Variants in ROBO2 observed in about 807,000 individuals in gnomAD.
ROBO2 encodes the protein roundabout guidance receptor 2, also known as roundabout homolog 2.
Under a neutral mutation model 160.8 loss-of-function variants are expected in ROBO2, and 53 were observed. The observed-to-expected ratio is 0.33, with a 90% confidence interval of 0.26 to 0.41. ROBO2 has a LOEUF of 0.41. Among genes scored for constraint, ROBO2 ranks in the 10% least tolerant of loss-of-function variants. The pLI, the probability that ROBO2 is intolerant of heterozygous loss-of-function variation, is 1.00. For missense variants in ROBO2, 1,577 were observed against 1,722.4 expected, an observed-to-expected ratio of 0.92 and a Z score of 1.49; for synonymous variants, 664 against 611.7, an observed-to-expected ratio of 1.09 and a Z score of -1.26.
At chr3:77,173,189 G>T (rs957359429) in intron 2 of ROBO2, among the ~76,000 whole-genome samples, 11 of 152,096 alleles carry the variant, frequency 7.2e-5, no homozygotes, top group Non-Finnish European at 1.6e-4. Context: ...AAAGGTGTGG[G>T]TAGATTTTAA....
At chr3:77,166,898 T>G (rs1293635206) in intron 2 of ROBO2, among the ~76,000 whole-genome samples, 3 of 152,182 alleles carry the variant, frequency 2.0e-5, no homozygotes, top group African/African-American at 7.2e-5. Flanking sequence ...AATTGTTTCA[T>G]AGATAGATGC....
intron 2 of ROBO2, among the ~76,000 whole-genome samples, chr3:76,666,601 T>A (rs2092056691): frequency 6.6e-6 from 1 of 152,134 alleles, no homozygotes. Flanking sequence ...CCTACATTTC[T>A]CAGGACTCAG....
At chr3:75,986,865 A>G (rs1285361384) in intron 2 of ROBO2, among the ~76,000 whole-genome samples, 3 of 151,714 alleles carry the variant, frequency 2.0e-5, no homozygotes, top group African/African-American at 7.2e-5. Context: ...CCCATGGTCA[A>G]AAATCATTTC....
chr3:76,391,279 A>G (rs2077137278), intron 2 of ROBO2, among the ~76,000 whole-genome samples: 1 of 152,150 alleles, frequency 6.6e-6, no homozygotes, highest in Non-Finnish European at 1.5e-5. Flanking sequence ...ACAGCTGCTT[A>G]TCGTATTTTG....
chr3:77,635,746 A>G (rs2095253024), intron 24 of ROBO2, among the ~76,000 whole-genome samples: 2 of 152,236 alleles, frequency 1.3e-5, no homozygotes, highest in Non-Finnish European at 2.9e-5. Flanking sequence ...GTAGTCAGCT[A>G]TACCATCTAT....
chr3:76,474,945 C>T (rs541640909), intron 2 of ROBO2, among the ~76,000 whole-genome samples: 13 of 152,076 alleles, frequency 8.5e-5, no homozygotes, highest in South Asian at 2.1e-4. Context: ...ACGTCAGAAA[C>T]GCAAGATAAC....
chr3:77,107,759 G>A (rs1048135520), intron 2 of ROBO2, among the ~76,000 whole-genome samples: 1 of 152,088 alleles, frequency 6.6e-6, no homozygotes, highest in African/African-American at 2.4e-5. Flanking sequence ...TCCTAGTAAT[G>A]CAACTATAAA....
intron 2 of ROBO2, among the ~76,000 whole-genome samples, chr3:77,396,209 A>T (rs2075271283): frequency 6.6e-6 from 1 of 152,086 alleles, no homozygotes; most frequent in African/African-American, 2.4e-5. Flanking sequence ...ATTAAGATAA[A>T]TTATGGTAAT....
At chr3:76,905,085 G>A (rs576911306) in intron 2 of ROBO2, among the ~76,000 whole-genome samples, 40 of 152,224 alleles carry the variant, frequency 2.6e-4, no homozygotes, top group Admixed American at 1.0e-3. Context: ...TTGTTTCAGA[G>A]TTTCGCTTAA....
chr3:77,229,585 C>G (rs1375146096), intron 2 of ROBO2, among the ~76,000 whole-genome samples: 1 of 151,486 alleles, frequency 6.6e-6, no homozygotes, highest in Non-Finnish European at 1.5e-5. Flanking sequence ...CGCTTGAACC[C>G]AGGAGGTAGA....
At chr3:76,066,981 G>A (rs1342586334) in intron 2 of ROBO2, among the ~76,000 whole-genome samples, 1 of 152,110 alleles carries the variant, frequency 6.6e-6, no homozygotes, top group Non-Finnish European at 1.5e-5. Context: ...GTGAATTCTT[G>A]ATTAGCTCTT....
At chr3:76,202,636 G>T (rs2107262643) in intron 2 of ROBO2, among the ~76,000 whole-genome samples, 1 of 152,250 alleles carries the variant, frequency 6.6e-6, no homozygotes, top group Non-Finnish European at 1.5e-5. Context: ...TGAAGCAGTT[G>T]TACAACCAAA....
At chr3:76,736,207 G>A (rs935318495) in intron 2 of ROBO2, among the ~76,000 whole-genome samples, 6 of 151,388 alleles carry the variant, frequency 4.0e-5, no homozygotes, top group Non-Finnish European at 7.4e-5. Context: ...GGGGGAACCC[G>A]GGAGGCGGAG....
At chr3:76,040,057 C>A (rs536493716) in intron 2 of ROBO2, among the ~76,000 whole-genome samples, 1 of 151,960 alleles carries the variant, frequency 6.6e-6, no homozygotes, top group Admixed American at 6.5e-5. Context: ...GAGAAAACTT[C>A]TGAAGCTCAT....
At chr3:76,772,342 C>A (rs13081889) in intron 2 of ROBO2, among the ~76,000 whole-genome samples, 47,595 of 149,474 alleles carry the variant, frequency 0.32, 9,235 homozygotes, top group Non-Finnish European at 0.43. Flanking sequence ...TAATCATGAA[C>A]AGTAAGAAAA....
chr3:76,102,515 G>A (rs746356748), intron 2 of ROBO2, among the ~76,000 whole-genome samples: 29 of 152,074 alleles, frequency 1.9e-4, no homozygotes, highest in Non-Finnish European at 4.0e-4. Context: ...AGTCAAAGTA[G>A]TAACAGAAAA....
intron 7 of ROBO2, 67 bp downstream of exon 8, chr3:77,546,529 G>A (rs1482733224): frequency 6.3e-7 from 1 of 1,575,074 alleles, no homozygotes; most frequent in African/African-American, 1.4e-5. Context: ...GCTCCTGAAA[G>A]CTTGCCTTGC....
intron 2 of ROBO2, among the ~76,000 whole-genome samples, chr3:76,861,338 T>G (rs577318571): frequency 9.5e-4 from 145 of 152,328 alleles, no homozygotes; most frequent in African/African-American, 3.2e-3. Flanking sequence ...CTTACTGGGT[T>G]GTTTTGAGGA....
chr3:76,980,746 T>C (rs192547862), intron 2 of ROBO2, among the ~76,000 whole-genome samples: 349 of 152,238 alleles, frequency 2.3e-3, no homozygotes, highest in Non-Finnish European at 3.7e-3. Context: ...TGTATACAAA[T>C]CAATGTTTTT....
Sources: allele counts gnomAD v4.1 joint callset (sites outside exome capture counted in the v4.1 genomes callset), GRCh38; gene constraint gnomAD v4.1.1; transcripts MANE v1.5; gene names NCBI Gene and HGNC (gene_info 2026-07-23, HGNC 2026-07-21).